The following GRIK2 variants were observed in gnomAD, a reference collection of about 807,000 sequenced individuals.
The protein encoded by GRIK2 is glutamate receptor ionotropic, kainate 2.
Under a neutral mutation model 100.3 loss-of-function variants are expected in GRIK2, and 32 were observed. The observed-to-expected ratio is 0.32, with a 90% confidence interval of 0.24 to 0.43. The LOEUF (loss-of-function observed/expected upper bound fraction) is 0.43, where lower values mean the gene tolerates loss of function less well. Ranked by LOEUF, GRIK2 falls within the 20% of genes least tolerant of loss-of-function variation. The pLI is 1.00. For synonymous variants in GRIK2, 417 were observed against 389.4 expected (o/e 1.07, Z -0.83); for missense variants, 843 against 1,114.9 (o/e 0.76, Z 3.47).
At chr6:101,693,380 C>T (rs1562315040) in intron 7 of GRIK2, among the ~76,000 whole-genome samples, 1 of 151,370 alleles carries the variant, frequency 6.6e-6, no homozygotes, top group African/African-American at 2.4e-5. Flanking sequence ...AGGATAAATA[C>T]ATTTCTGCAC....
intron 4 of GRIK2, among the ~76,000 whole-genome samples, chr6:101,657,039 G>T (rs1227302711): frequency 5.3e-5 from 8 of 152,182 alleles, no homozygotes; most frequent in Admixed American, 5.2e-4. Context: ...TTCATCTGCA[G>T]GTGGGGCTGA....
intron 15 of GRIK2, among the ~76,000 whole-genome samples, chr6:102,046,613 A>C (rs1770902134): frequency 6.6e-6 from 1 of 152,128 alleles, no homozygotes; most frequent in Non-Finnish European, 1.5e-5. Context: ...CTTCAGAACT[A>C]TGAGTCAATT....
chr6:102,000,940 G>A (rs1794905273), intron 14 of GRIK2, among the ~76,000 whole-genome samples: 3 of 151,416 alleles, frequency 2.0e-5, no homozygotes, highest in East Asian at 2.0e-4. Flanking sequence ...GGTTTCATTT[G>A]TTTTTCTTTT....
intron 2 of GRIK2, among the ~76,000 whole-genome samples, chr6:101,441,720 T>C (rs9377277): frequency 0.055 from 8,442 of 152,174 alleles, 567 homozygotes; most frequent in East Asian, 0.34. Context: ...GGTGTACAGA[T>C]AATTTTGTCA....
intron 14 of GRIK2, among the ~76,000 whole-genome samples, chr6:101,975,227 A>G (rs1453331881): frequency 6.6e-6 from 1 of 151,960 alleles, no homozygotes; most frequent in African/African-American, 2.4e-5. Flanking sequence ...TAGTAAGAAT[A>G]TAAGAATATG....
intron 10 of GRIK2, among the ~76,000 whole-genome samples, chr6:101,830,406 A>G (rs74459811): frequency 6.6e-6 from 1 of 152,034 alleles, no homozygotes; most frequent in South Asian, 2.1e-4. Flanking sequence ...CAGCAAAACC[A>G]AAAATTGACA....
rs1794519210 is a variant in GRIK2 at position 101,993,970 on chromosome 6, ATAC to A, written c.2086-41370_2086-41368del. 2.0e-5 allele frequency: 3 copies of A among 148,058 alleles called. No homozygotes were observed. In the South Asian group the frequency reaches 6.3e-4, roughly 31 times the overall value. 9.2% of individuals were successfully genotyped at this position (148,058 alleles called of 1,614,324 possible). On this transcript the variant is annotated intron_variant, in intron 14 of 16. Transcript: ENST00000369134. ...TATAAACAAATGTATATATCTATAT[ATAC>A]ATTACATACAATGTATATACATACA...
chr6:101,887,954 A>T (rs1349272584), intron 11 of GRIK2, among the ~76,000 whole-genome samples: 1 of 152,164 alleles, frequency 6.6e-6, no homozygotes, highest in Non-Finnish European at 1.5e-5. Context: ...TATTTCTGTT[A>T]ACAAAGTTGT....
intron 2 of GRIK2, among the ~76,000 whole-genome samples, chr6:101,506,223 C>A (rs1774019423): frequency 6.6e-6 from 1 of 152,120 alleles, no homozygotes; most frequent in South Asian, 2.1e-4. Flanking sequence ...GTTAAAAACA[C>A]TGTTCATGTG....
chr6:101,601,986 T>C lies in GRIK2; in HGVS notation c.116-19963T>C, dbSNP rs528970407. Among the ~76,000 whole-genome samples, 44 of 151,838 alleles carry C rather than the reference T, an allele frequency of 2.9e-4. No homozygotes were observed. In the East Asian group the frequency reaches 4.7e-3, roughly 16 times the overall value. On this transcript the variant is annotated intron_variant, in intron 2 of 16. Transcript: ENST00000369134. ...TCTGCTAGCTTAGGCTAGTTCTTGT[T>C]TTTCTATTATCCCTAGGAGTGATGT...
At chr6:101,573,337 A>G (rs1331732353) in intron 2 of GRIK2, among the ~76,000 whole-genome samples, 1 of 152,112 alleles carries the variant, frequency 6.6e-6, no homozygotes, top group Non-Finnish European at 1.5e-5. Context: ...CTGGTCATAG[A>G]TTGCTCAGGA....
chr6:101,506,250 A>G (rs1774021218), intron 2 of GRIK2, among the ~76,000 whole-genome samples: 1 of 152,148 alleles, frequency 6.6e-6, no homozygotes, highest in Non-Finnish European at 1.5e-5. Flanking sequence ...GACTAGGTTC[A>G]ACTAGTGGGA....
chr6:101,771,687 C>G (rs1176934318), intron 7 of GRIK2, among the ~76,000 whole-genome samples: 1 of 116,762 alleles, frequency 8.6e-6, no homozygotes, highest in Non-Finnish European at 1.7e-5. Context: ...CCCCCCTCCC[C>G]CCACCCCACA....
rs146007956 is a variant in GRIK2, at chr6:101,875,095, C to T, written c.1525-14545C>T. Among the ~76,000 whole-genome samples, 1,314 of 152,176 alleles carry T rather than the reference C, an allele frequency of 8.6e-3. 15 individuals are homozygous for T. Among genetic ancestry groups the T allele is most frequent in the African/African-American group, 0.028 (1,161 of 41,532 alleles). On this transcript the variant is annotated intron_variant, in intron 11 of 16. Coordinates refer to ENST00000369134, the MANE Select transcript of GRIK2 (RefSeq NM_021956.5). ...TAATTGAATACCTTTATTTCTTTCTCCTGCCTGATTGCCCTGGCCAGAACT... is the reference window on the plus strand; with the variant it reads ...TAATTGAATACCTTTATTTCTTTCTTCTGCCTGATTGCCCTGGCCAGAACT...
At chr6:101,446,639 T>G (rs916306357) in intron 2 of GRIK2, among the ~76,000 whole-genome samples, 3 of 151,944 alleles carry the variant, frequency 2.0e-5, no homozygotes, top group East Asian at 3.9e-4. Flanking sequence ...GGAAAATATA[T>G]TGATAGATCA....
chr6:101,464,343 G>A (rs1383207465), intron 2 of GRIK2, among the ~76,000 whole-genome samples: 1 of 152,112 alleles, frequency 6.6e-6, no homozygotes, highest in Non-Finnish European at 1.5e-5. Context: ...AAGAAAGTAT[G>A]ATTAATAAAA....
chr6:101,651,585 C>T (rs1468065523), intron 4 of GRIK2, among the ~76,000 whole-genome samples: 4 of 152,068 alleles, frequency 2.6e-5, no homozygotes, highest in South Asian at 2.1e-4. Flanking sequence ...TAAGGGAGGG[C>T]TACAATTTTA....
At chr6:101,702,794 A>G (rs961887725) in intron 7 of GRIK2, among the ~76,000 whole-genome samples, 3 of 151,906 alleles carry the variant, frequency 2.0e-5, no homozygotes, top group Admixed American at 6.6e-5. Flanking sequence ...ATAGGTAGCC[A>G]TACAAATATT....
chr6:101,537,903 A>C (rs1775792698), intron 2 of GRIK2, among the ~76,000 whole-genome samples: 1 of 151,760 alleles, frequency 6.6e-6, no homozygotes, highest in Admixed American at 6.6e-5. Flanking sequence ...ATTTTCCTAA[A>C]ACCATCTGCA....
Sources: gnomAD v4.1 joint callset for allele counts (sites outside exome capture counted in the v4.1 genomes callset) on GRCh38, gnomAD v4.1.1 for gene constraint, MANE v1.5 for transcripts, NCBI Gene and HGNC (gene_info 2026-07-23, HGNC 2026-07-21) for gene names.